Variants in MYO15A observed in about 807,000 individuals in gnomAD.
MYO15A encodes myosin XVA.
A neutral mutation model predicts 394.6 loss-of-function variants in MYO15A; 308 were observed. The observed-to-expected ratio is 0.78, with a 90% CI of 0.71 to 0.86. The LOEUF (loss-of-function observed/expected upper bound fraction) is 0.86. Among genes scored for constraint, MYO15A ranks in the 40% least tolerant of loss-of-function variants. MYO15A has a pLI of 0.00. For synonymous variants in MYO15A, 1,957 were observed against 2,003.8 expected (o/e 0.98, Z 0.62); for missense variants, 4,606 against 4,799.1 (o/e 0.96, Z 1.19).
chr17:18,178,782 G>C lies in MYO15A; in HGVS notation c.10505G>C (p.Cys3502Ser). ...QLQLEQGLEL[C>S]RVVAVHVENL... ...TGTCACCTGCAGGGACTGGAACTGTGTCGTGTGGTGGCCGTGCACGTGGAG... is the reference window on the plus strand; with the variant it reads ...TGTCACCTGCAGGGACTGGAACTGTCTCGTGTGGTGGCCGTGCACGTGGAG... Residue 3502 changes from cysteine (C) to serine (S), a missense_variant, in exon 66 of 66, where the codon TGT becomes TCT. This residue lies in a region of MYO15A where 2,776 missense variants were observed against 3,109.3 expected (regional missense o/e 0.89). Transcript: ENST00000647165. 1 of 1,614,074 alleles carries C rather than the reference G, an allele frequency of 6.2e-7. No homozygotes were observed. Among genetic ancestry groups the C allele is most frequent in the Non-Finnish European group, 8.5e-7 (1 of 1,180,024 alleles).
Position 18,119,352 on chromosome 17 carries a change from G to A in MYO15A, c.552G>A (p.Gly184=). Residue 184 remains glycine (G), a synonymous_variant, in exon 2 of 66, where the codon GGG becomes GGA. Transcript: ENST00000647165. ...FPSGAEILRP[G]GRLRRFPRSR... ...CGGGTGCCGAGATCCTGCGGCCTGG[G>A]GGCCGGCTCCGGAGGTTCCCCCGCA... 1.9e-6 allele frequency: 3 copies of A among 1,609,138 alleles called. No individual in the cohort carries two copies. Among genetic ancestry groups the A allele is most frequent in the Admixed American group, 1.7e-5 (1 of 59,960 alleles).
chr17:18,166,186 C>T (rs2046851121), intron 60 of MYO15A, among the ~76,000 whole-genome samples, 175 bp from the exon 61 acceptor site: 2 of 152,250 alleles, frequency 1.3e-5, no homozygotes, highest in Admixed American at 6.5e-5. Flanking sequence ...ACACCCCATT[C>T]GACAAGCATG....
At chr17:18,155,481 T>A in intron 47 of MYO15A, 49 bp downstream of exon 47, 2 of 1,515,534 alleles carry the variant, frequency 1.3e-6, no homozygotes, top group Non-Finnish European at 1.8e-6. Context: ...GGATACAGAC[T>A]GGCATCGGCA....
rs2047050600 is a variant in MYO15A, at chr17:18,178,787, G to A, written c.10510G>A (p.Val3504Met). Reference sequence around the variant, plus strand: ...CCTGCAGGGACTGGAACTGTGTCGTGTGGTGGCCGTGCACGTGGAGAACCT... The same window carrying A: ...CCTGCAGGGACTGGAACTGTGTCGTATGGTGGCCGTGCACGTGGAGAACCT... ...QLEQGLELCRVVAVHVENLLS... is the reference protein window; with the variant it reads ...QLEQGLELCRMVAVHVENLLS... Residue 3504 changes from valine (V) to methionine (M), a missense_variant, in exon 66 of 66, where the codon GTG becomes ATG. Val to Met is a conservative substitution (Grantham distance 21). Coordinates refer to ENST00000647165, the MANE Select transcript of MYO15A (RefSeq NM_016239.4). The A allele has an allele frequency of 6.2e-7, 1 of 1,614,034 alleles. No homozygotes were observed. The highest frequency in any genetic ancestry group is 8.5e-7 in the Non-Finnish European group (1 of 1,180,022).
intron 12 of MYO15A, among the ~76,000 whole-genome samples, chr17:18,133,794 T>C (rs984024348): frequency 6.6e-6 from 1 of 151,340 alleles, no homozygotes; most frequent in African/African-American, 2.4e-5. Context: ...CTGCCTGGGA[T>C]TACAGGCACA....
Position 18,178,964 on chromosome 17 carries a change from A to T in MYO15A, c.*94A>T. On this transcript the variant is annotated 3_prime_UTR_variant, in exon 66 of 66. Transcript: ENST00000647165. The stretch of plus-strand genomic sequence containing the variant: ...CCTCTCAGGATCAATGACCCCTGTA[A>T]GGGGCCAGAGCCTTGGAGGACACTA... The T allele has an allele frequency of 7.8e-7, 1 of 1,280,990 alleles. No homozygotes were observed. The highest frequency in any genetic ancestry group is 1.9e-5 in the Admixed American group (1 of 52,498). The allele number at this position is 1,280,990 out of a possible 1,614,324, so 79.4% of individuals were successfully genotyped here.
In MYO15A at chr17:18,121,834, C is replaced by G. The variant is rs938780908; in HGVS notation, c.3034C>G (p.Pro1012Ala). Reference sequence around the variant, plus strand: ...ATCAGCTGGCCCAACCCCTGAGAAGCCTGAAGAAGAGGCCACCCTGGGGGA... The same window carrying G: ...ATCAGCTGGCCCAACCCCTGAGAAGGCTGAAGAAGAGGCCACCCTGGGGGA... Reference protein sequence around the residue: ...TKSAGPTPEKPEEEATLGDPQ... With the variant: ...TKSAGPTPEKAEEEATLGDPQ... Residue 1012 changes from proline (P) to alanine (A), a missense_variant, in exon 2 of 66, where the codon CCT (proline) becomes GCT (alanine). Around this residue, in one of 2 missense-constraint regions of MYO15A, gnomAD observed 1,830 missense variants for 1,689.7 expected, o/e 1.08. Transcript: ENST00000647165. This position sits in a 1 kb window ranked among gnomAD's most constrained non-coding sequence, Gnocchi z 5.3. 1.9e-6 allele frequency: 3 copies of G among 1,612,772 alleles called. No homozygotes were observed. The highest frequency in any genetic ancestry group is 2.5e-6 in the Non-Finnish European group (3 of 1,179,942).
Position 18,122,046 on chromosome 17 carries a change from A to G in MYO15A, c.3246A>G (p.Gly1082=), listed in dbSNP as rs1412269986. 4.3e-6 allele frequency: 7 copies of G among 1,612,860 alleles called. No individual in the cohort carries two copies. Among genetic ancestry groups the G allele is most frequent in the Non-Finnish European group, 5.9e-6 (7 of 1,180,018 alleles). Residue 1082 remains glycine, a synonymous_variant, in exon 2 of 66, where the codon GGA becomes GGG. Transcript: ENST00000647165. Reference sequence around the variant, plus strand: ...CATGGCCACCATGGCACCGCTGGGGAACACTGCCCCAAGCCGCAGCCCCCT... The same window carrying G: ...CATGGCCACCATGGCACCGCTGGGGGACACTGCCCCAAGCCGCAGCCCCCT... ...RATWPPWHRW[G]TLPQAAAPLA... is the part of the protein sequence containing the mutation.
In MYO15A at chr17:18,118,868, C is replaced by G. The variant is rs2045834954; in HGVS notation, c.68C>G (p.Pro23Arg). ...KGKKGKKAPE[P>R]EKPKRSLKGT... ...AAGAAGGGGAAGAAGGCACCGGAGC[C>G]GGAGAAGCCCAAACGGAGCCTGAAG... The change falls in exon 2 of 66, where the codon CCG (proline) becomes CGG (arginine). Residue 23 changes from proline (P) to arginine (R), a missense_variant. This residue lies in a region of MYO15A where 1,830 missense variants were observed against 1,689.7 expected (regional missense o/e 1.08). Coordinates refer to ENST00000647165, the MANE Select transcript of MYO15A (RefSeq NM_016239.4). 8 of 1,613,254 alleles carry G rather than the reference C, an allele frequency of 5.0e-6. No homozygotes were observed. Among genetic ancestry groups the G allele is most frequent in the Non-Finnish European group, 5.9e-6 (7 of 1,179,744 alleles).
rs1260520422 is a variant in MYO15A at position 18,120,891 on chromosome 17, C to A, written c.2091C>A (p.Leu697=). The A allele has an allele frequency of 2.9e-6, 4 of 1,380,200 alleles. No individual in the cohort carries two copies. The African/African-American group carries it at 6.2e-5, about 21-fold the overall frequency. The allele number at this position is 1,380,200 out of a possible 1,614,324, so 85.5% of individuals were successfully genotyped here. ...GGCCGGCCTCGCCCTACGGCTCCCT[C>A]CGCCGCCACCCGCCGCCCTGGGCCG... is the stretch of plus-strand genomic sequence containing the variant. ...LPRPASPYGS[L]RRHPPPWAAP... The change falls in exon 2 of 66, where the codon CTC becomes CTA. Residue 697 remains leucine, a synonymous_variant. Transcript: ENST00000647165.
chr17:18,141,699 G>C lies in MYO15A; in HGVS notation c.5578G>C (p.Asp1860His), dbSNP rs893016461. Residue 1860 changes from aspartate to histidine, a missense_variant, in exon 23 of 66, where the codon GAC becomes CAC. Asp to His is a moderately conservative substitution (Grantham distance 81). This residue lies in a region of MYO15A where 2,776 missense variants were observed against 3,109.3 expected (regional missense o/e 0.89). Transcript: ENST00000647165. ...ALKHDLPANG[D>H]MCVSVLSRLC... ...CAAGCATGACCTGCCGGCTAATGGG[G>C]ACATGTGTGTGTCAGTGCTGAGTCG... is the stretch of plus-strand genomic sequence containing the variant. 6.2e-7 allele frequency: 1 copy of C among 1,614,146 alleles called. No individual in the cohort carries two copies. Among genetic ancestry groups the C allele is most frequent in the African/African-American group, 1.3e-5 (1 of 75,052 alleles).
chr17:18,178,832 C>T lies in MYO15A; in HGVS notation c.10555C>T (p.Arg3519Trp), dbSNP rs771116631. ...VENLLSAHEK[R>W]LTLPPSEITL... ...GAACCTGCTCAGTGCCCATGAGAAG[C>T]GGCTCACATTGCCCCCCAGCGAGAT... The change falls in exon 66 of 66, where the codon CGG (arginine) becomes TGG (tryptophan). Residue 3519 changes from arginine (R) to tryptophan (W), a missense_variant. By Grantham distance (101) the Arg-to-Trp change is moderately radical. Coordinates refer to ENST00000647165, the MANE Select transcript of MYO15A (RefSeq NM_016239.4). 51 of 1,613,690 alleles carry T rather than the reference C, an allele frequency of 3.2e-5. No individual in the cohort carries two copies. The highest frequency in any genetic ancestry group is 4.5e-5 in the East Asian group (2 of 44,872).
Position 18,145,934 on chromosome 17 carries a change from C to G in MYO15A, c.6336C>G (p.Tyr2112Ter). The change falls in exon 30 of 66, where the codon TAC becomes TAG. Residue 2112 changes from tyrosine to a stop codon, truncating the protein, a stop_gained. Transcript: ENST00000647165. LOFTEE classifies it high-confidence loss of function. The stretch of plus-strand genomic sequence containing the variant: ...CCCGGGAGAACATCTTCGGGAACTA[C>G]ATCGTGCAGAAGGGGCTGGCGGTGC... ...HGARENIFGN[Y>*]IVQKGLAVPE... 1 of 1,613,776 alleles carries G rather than the reference C, an allele frequency of 6.2e-7. No homozygotes were observed. Among genetic ancestry groups the G allele is most frequent in the Non-Finnish European group, 8.5e-7 (1 of 1,180,032 alleles).
chr17:18,144,716 A>C, intron 29 of MYO15A, 124 bp downstream of exon 29: 7 of 847,128 alleles, frequency 8.3e-6, no homozygotes, highest in Non-Finnish European at 1.2e-5. Context: ...CTCTTCCCCA[A>C]AGGACAGACT....
chr17:18,109,139 C>T (rs1370076506), intron 1 of MYO15A: 1 of 152,494 alleles, frequency 6.6e-6, no homozygotes, highest in African/African-American at 2.4e-5. Context: ...TTCCCACTTC[C>T]ACTTTACAGG....
At chr17:18,173,129 C>A (rs1388258087) in intron 64 of MYO15A, among the ~76,000 whole-genome samples, 1 of 152,252 alleles carries the variant, frequency 6.6e-6, no homozygotes, top group East Asian at 1.9e-4. Context: ...CTGGGGAGCC[C>A]TGAGAGACAG....
At chr17:18,129,650 C>T (rs768558310) in intron 7 of MYO15A, among the ~76,000 whole-genome samples, 1 of 152,198 alleles carries the variant, frequency 6.6e-6, no homozygotes. Context: ...GCTCATCACT[C>T]GAGTGGACTC....
chr17:18,127,291 G>C lies in MYO15A; in HGVS notation c.4032+126G>C, dbSNP rs1157098751. ...ATGAGGAGGCTGAGTTCCAGAAGGG[G>C]GCCTTGCCCAGGGCTGCTTTTTCTG... On this transcript the variant is annotated intron_variant, in intron 7 of 65. Transcript: ENST00000647165. The C allele has an allele frequency of 3.3e-6, 4 of 1,211,162 alleles. No individual in the cohort carries two copies. The South Asian group carries it at 3.9e-5, about 12-fold the overall frequency. 75.0% of individuals were successfully genotyped at this position (1,211,162 alleles called of 1,614,324 possible).
chr17:18,154,070 C>A, intron 43 of MYO15A, 61 bp from the exon 44 acceptor site: 1 of 1,608,252 alleles, frequency 6.2e-7, no homozygotes, highest in Non-Finnish European at 8.5e-7. Context: ...GGGGCGGGGC[C>A]GGGTGTGAAG....
Sources: gnomAD v4.1 joint callset for allele counts (sites outside exome capture counted in the v4.1 genomes callset) on GRCh38, gnomAD v4.1.1 for gene constraint, gnomAD v4.1.1 regional missense constraint, Gnocchi (gnomAD v3.1) non-coding constraint, MANE v1.5 for transcripts, NCBI Gene and HGNC (gene_info 2026-07-23, HGNC 2026-07-21) for gene names.